Variants in UBAP1 observed in about 807,000 individuals in gnomAD.
UBAP1 encodes ubiquitin-associated protein 1.
UBAP1 carries 5 observed loss-of-function variants against 39.0 expected under a neutral mutation model. The observed-to-expected ratio is 0.13, with a 90% CI of 0.07 to 0.27. UBAP1 has a LOEUF of 0.27. Among genes scored for constraint, UBAP1 ranks in the 10% least tolerant of loss-of-function variants. The pLI, the probability that UBAP1 is intolerant of heterozygous loss-of-function variation, is 1.00. For synonymous variants in UBAP1, 211 were observed against 225.1 expected, an observed-to-expected ratio of 0.94 and a Z score of 0.56; for missense variants, 490 against 608.1, an observed-to-expected ratio of 0.81 and a Z score of 2.04.
chr9:34,202,565 A>G (rs1288106101), intron 1 of UBAP1, among the ~76,000 whole-genome samples: 1 of 151,152 alleles, frequency 6.6e-6, no homozygotes, highest in East Asian at 2.0e-4. Context: ...ACCTAGCATT[A>G]TAACAGAAGA....
intron 3 of UBAP1, among the ~76,000 whole-genome samples, chr9:34,238,146 A>G (rs1013077969): frequency 6.6e-6 from 1 of 152,208 alleles, no homozygotes; most frequent in African/African-American, 2.4e-5. Flanking sequence ...TTCACTTAGC[A>G]TAATGTTTTC....
At chr9:34,240,892 C>T (rs756564380) in intron 3 of UBAP1, among the ~76,000 whole-genome samples, 6 of 152,140 alleles carry the variant, frequency 3.9e-5, no homozygotes, top group African/African-American at 9.7e-5. Flanking sequence ...ATGTTTGGGG[C>T]TATCATTACC....
In UBAP1 at chr9:34,214,160, G is replaced by A. The variant is rs568466297; in HGVS notation, c.-7-6748G>A. ...ACCACCATCATTCTTCACAGAATTA[G>A]AAACAACATTTCTAAAATTCATATG... On this transcript the variant is annotated intron_variant, in intron 1 of 6. Transcript: ENST00000297661. Among the ~76,000 whole-genome samples, 11 of 152,222 alleles carry A rather than the reference G, an allele frequency of 7.2e-5. No individual in the cohort carries two copies. In the East Asian group the frequency reaches 2.1e-3, roughly 29 times the overall value.
intron 2 of UBAP1, among the ~76,000 whole-genome samples, chr9:34,223,012 TC>T (rs1395980839): frequency 1.3e-5 from 2 of 152,232 alleles, no homozygotes; most frequent in Non-Finnish European, 2.9e-5. Flanking sequence ...CTTTGGAACA[TC>T]TGTTTTGATC....
In UBAP1 at chr9:34,241,570, A is replaced by G. The variant is rs1833956133; in HGVS notation, c.545A>G (p.Asn182Ser). 6.2e-7 allele frequency: 1 copy of G among 1,614,160 alleles called. No homozygotes were observed. Among genetic ancestry groups the G allele is most frequent in the Non-Finnish European group, 8.5e-7 (1 of 1,180,028 alleles). Residue 182 changes from asparagine to serine, a missense_variant, in exon 4 of 7, where the codon AAT becomes AGT. Physicochemically the swap from Asn to Ser is conservative, Grantham distance 46. Coordinates refer to ENST00000297661, the MANE Select transcript of UBAP1 (RefSeq NM_016525.5). Reference sequence around the variant, plus strand: ...ATTGATGAGAAGGAAGAGCTGAGAAATATTCTGGTAGGAACCACTGGACCC... The same window carrying G: ...ATTGATGAGAAGGAAGAGCTGAGAAGTATTCTGGTAGGAACCACTGGACCC... Reference protein sequence around the residue: ...KTIDEKEELRNILVGTTGPIM... With the variant: ...KTIDEKEELRSILVGTTGPIM...
chr9:34,185,108 A>G (rs1226647414), intron 1 of UBAP1, among the ~76,000 whole-genome samples: 1 of 150,582 alleles, frequency 6.6e-6, no homozygotes, highest in Admixed American at 6.6e-5. Context: ...TAATTTTTGT[A>G]TTTTTAGTAG....
At chr9:34,195,634 G>T (rs1216896797) in intron 1 of UBAP1, among the ~76,000 whole-genome samples, 12 of 146,498 alleles carry the variant, frequency 8.2e-5, no homozygotes, top group African/African-American at 2.8e-4. Context: ...TTTCACTCTT[G>T]TTGCCCAGGC....
intron 3 of UBAP1, among the ~76,000 whole-genome samples, chr9:34,239,696 C>CT (rs913288357): frequency 6.6e-6 from 1 of 152,124 alleles, no homozygotes; most frequent in Non-Finnish European, 1.5e-5. Flanking sequence ...TTTTTAACTT[C>CT]TGCAAGCCTC....
chr9:34,203,174 G>C (rs1831497407), intron 1 of UBAP1, among the ~76,000 whole-genome samples: 1 of 152,070 alleles, frequency 6.6e-6, no homozygotes, highest in Admixed American at 6.6e-5. Context: ...GCTAGGTGTG[G>C]TGGTACATTC....
chr9:34,204,696 T>G (rs963981182), intron 1 of UBAP1, among the ~76,000 whole-genome samples: 21 of 152,154 alleles, frequency 1.4e-4, no homozygotes, highest in Admixed American at 2.0e-4. Context: ...TTTTTTTAAA[T>G]TTCAGAGGTT....
At chr9:34,228,695 G>A (rs989448930) in intron 2 of UBAP1, among the ~76,000 whole-genome samples, 3 of 149,238 alleles carry the variant, frequency 2.0e-5, no homozygotes, top group Non-Finnish European at 4.4e-5. Flanking sequence ...TCAGTTTCCC[G>A]AGTAGCTGGG....
chr9:34,224,430 A>T (rs1832938809), intron 2 of UBAP1: 1 of 400,296 alleles, frequency 2.5e-6, no homozygotes, highest in Admixed American at 3.5e-5. Flanking sequence ...GCTGAGCCCC[A>T]GGAGAAATTC....
chr9:34,237,067 T>C (rs1833739011), intron 3 of UBAP1, among the ~76,000 whole-genome samples: 1 of 152,224 alleles, frequency 6.6e-6, no homozygotes, highest in Non-Finnish European at 1.5e-5. Flanking sequence ...TGCGTGTAAA[T>C]GCTATCTCTT....
intron 1 of UBAP1, among the ~76,000 whole-genome samples, chr9:34,211,329 A>T (rs890953347): frequency 6.6e-6 from 1 of 152,172 alleles, no homozygotes; most frequent in Non-Finnish European, 1.5e-5. Context: ...ACAAACATAA[A>T]TGTTGCTATG....
chr9:34,239,694 T>G (rs1255408988), intron 3 of UBAP1, among the ~76,000 whole-genome samples: 1 of 152,192 alleles, frequency 6.6e-6, no homozygotes, highest in Non-Finnish European at 1.5e-5. Context: ...ATTTTTTAAC[T>G]TCTGCAAGCC....
chr9:34,248,160 C>T (rs1180030936), intron 4 of UBAP1, among the ~76,000 whole-genome samples: 16 of 152,124 alleles, frequency 1.1e-4, no homozygotes, highest in African/African-American at 2.9e-4. Context: ...CTCAGCCTCC[C>T]GAGTAGCTGG....
At chr9:34,238,605 T>G (rs1833815689) in intron 3 of UBAP1, among the ~76,000 whole-genome samples, 1 of 152,218 alleles carries the variant, frequency 6.6e-6, no homozygotes, top group South Asian at 2.1e-4. Context: ...CTTTCATGTC[T>G]AATGGTGTCA....
At chr9:34,225,797 A>G (rs1833017293) in intron 2 of UBAP1, among the ~76,000 whole-genome samples, 1 of 150,780 alleles carries the variant, frequency 6.6e-6, no homozygotes, top group South Asian at 2.1e-4. Context: ...AAAAAAAAAG[A>G]AAAGAAAAAA....
At chr9:34,184,912 G>A (rs1292436775) in intron 1 of UBAP1, among the ~76,000 whole-genome samples, 4 of 145,882 alleles carry the variant, frequency 2.7e-5, no homozygotes, top group African/African-American at 5.1e-5. Context: ...GTGCGCCACC[G>A]CGCCCAGCCA....
Sources: allele counts gnomAD v4.1 joint callset (sites outside exome capture counted in the v4.1 genomes callset), GRCh38; gene constraint gnomAD v4.1.1; transcripts MANE v1.5; gene names NCBI Gene and HGNC (gene_info 2026-07-23, HGNC 2026-07-21).